The following ITIH5 variants were observed in gnomAD, a reference collection of about 807,000 sequenced individuals.
The protein encoded by ITIH5 is inter-alpha-trypsin inhibitor heavy chain 5, also known as inter-alpha-trypsin inhibitor heavy chain H5.
ITIH5 carries 65 observed loss-of-function variants against 77.5 expected under a neutral mutation model. That is an observed-to-expected ratio of 0.84 (90% confidence interval 0.69 to 1.03). The LOEUF is 1.03. ITIH5 is among the 50% of genes least tolerant of loss of function. ITIH5 has a pLI of 0.00. For synonymous variants in ITIH5, 525 were observed against 494.3 expected, an observed-to-expected ratio of 1.06 and a Z score of -0.82; for missense variants, 1,208 against 1,213.1, an observed-to-expected ratio of 1.00 and a Z score of 0.06.
At chr10:7,640,671 C>T (rs747895815) in intron 4 of ITIH5, 83 bp downstream of exon 4, 39 of 797,394 alleles carry the variant, frequency 4.9e-5, no homozygotes, top group South Asian at 2.9e-4. Flanking sequence ...GAAAGGAAGA[C>T]GACAAGAGGA....
At chr10:7,664,973 C>T (rs12252942) in intron 1 of ITIH5, among the ~76,000 whole-genome samples, 1 of 152,144 alleles carries the variant, frequency 6.6e-6, no homozygotes, top group South Asian at 2.1e-4. Flanking sequence ...AGATTTGAAC[C>T]CAGAATTCTG....
At chr10:7,587,745 G>C (rs1832711105) in intron 7 of ITIH5, among the ~76,000 whole-genome samples, 1 of 152,194 alleles carries the variant, frequency 6.6e-6, no homozygotes, top group South Asian at 2.1e-4. Flanking sequence ...CCCCGGCAGA[G>C]CTTAAGAGAA....
chr10:7,597,707 G>C (rs764328439), intron 7 of ITIH5, among the ~76,000 whole-genome samples: 7 of 152,192 alleles, frequency 4.6e-5, no homozygotes, highest in Non-Finnish European at 1.0e-4. Flanking sequence ...GAGTAGCCAT[G>C]ACTTGCCAAG....
At chr10:7,607,142 G>A (rs1277050872) in intron 7 of ITIH5, among the ~76,000 whole-genome samples, 1 of 152,224 alleles carries the variant, frequency 6.6e-6, no homozygotes, top group African/African-American at 2.4e-5. Flanking sequence ...CAATCAACTG[G>A]CATGTAACTC....
At chr10:7,665,431 A>G (rs1304351122) in intron 1 of ITIH5, among the ~76,000 whole-genome samples, 5 of 152,246 alleles carry the variant, frequency 3.3e-5, no homozygotes, top group Non-Finnish European at 1.5e-5. Flanking sequence ...CTTGGGTGTC[A>G]TAATGCATTC....
chr10:7,633,252 C>T (rs1279131102), intron 5 of ITIH5, among the ~76,000 whole-genome samples: 3 of 152,174 alleles, frequency 2.0e-5, no homozygotes, highest in Non-Finnish European at 4.4e-5. Flanking sequence ...CAACCACGTA[C>T]CTGTGTTAAC....
chr10:7,666,849 A>C lies in ITIH5; in HGVS notation c.44T>G (p.Val15Gly), dbSNP rs763733733. ...LGLCLGLSLC[V>G]GSQEEAQSWG... Reference sequence around the variant, plus strand: ...GCTCTGCGCCTCTTCCTGCGACCCCACACACAGGGACAGCCCCAGGCACAG... The same window carrying C: ...GCTCTGCGCCTCTTCCTGCGACCCCCCACACAGGGACAGCCCCAGGCACAG... Residue 15 changes from valine (V) to glycine (G), a missense_variant, in exon 1 of 14, where the codon GTG becomes GGG. By Grantham distance (109) the Val-to-Gly change is moderately radical (BLOSUM62 -3). Transcript: ENST00000397146. 1.9e-6 allele frequency: 3 copies of C among 1,608,584 alleles called. No homozygotes were observed. The highest frequency in any genetic ancestry group is 2.2e-5 in the South Asian group (2 of 90,542).
intron 2 of ITIH5, among the ~76,000 whole-genome samples, 156 bp downstream of exon 2, chr10:7,655,475 C>A (rs1398561258): frequency 1.3e-5 from 2 of 151,936 alleles, no homozygotes; most frequent in Non-Finnish European, 2.9e-5. Flanking sequence ...TTAAAGAAAG[C>A]CTTATAAAAG....
chr10:7,595,087 G>A (rs1832868238), intron 7 of ITIH5, among the ~76,000 whole-genome samples: 3 of 152,140 alleles, frequency 2.0e-5, no homozygotes, highest in African/African-American at 7.2e-5. Context: ...CAGGCTAGGA[G>A]CAATGGCTGT....
At chr10:7,603,529 G>A (rs887856700) in intron 7 of ITIH5, among the ~76,000 whole-genome samples, 27 of 152,190 alleles carry the variant, frequency 1.8e-4, no homozygotes, top group Non-Finnish European at 4.4e-5. Context: ...TGCTTTAAAA[G>A]GGTGGATGTT....
chr10:7,655,316 A>T (rs1342145856), intron 2 of ITIH5, among the ~76,000 whole-genome samples: 1 of 152,212 alleles, frequency 6.6e-6, no homozygotes, highest in Admixed American at 6.5e-5. Context: ...CTTCACAACA[A>T]AGCTCTCATT....
In ITIH5 at chr10:7,568,552, T is replaced by C. The variant is rs1832232552; in HGVS notation, c.2149+1116A>G. ...CAGTAGAGATTTGGCTCTGAGGCTA[T>C]AAAGTCCCACAAGAAAACATGTGTT... On this transcript the variant is annotated intron_variant, in intron 12 of 13. Transcript: ENST00000397146. Among the ~76,000 whole-genome samples the C allele has an allele frequency of 2.0e-5, 3 of 151,724 alleles. No homozygotes were observed. The South Asian group carries it at 6.2e-4, about 31-fold the overall frequency.
intron 11 of ITIH5, chr10:7,570,368 G>C (rs1832272660): frequency 6.6e-6 from 1 of 152,346 alleles, no homozygotes; most frequent in Non-Finnish European, 1.5e-5. Flanking sequence ...AGGCGGCCAG[G>C]CGCACAGTCA....
At chr10:7,586,340 T>G (rs563985398) in intron 7 of ITIH5, among the ~76,000 whole-genome samples, 1 of 152,132 alleles carries the variant, frequency 6.6e-6, no homozygotes, top group Admixed American at 6.6e-5. Context: ...ACAATTGCTG[T>G]TCTCTTGACC....
intron 2 of ITIH5, among the ~76,000 whole-genome samples, chr10:7,655,428 C>T (rs1361949862): frequency 6.6e-6 from 1 of 151,798 alleles, no homozygotes; most frequent in African/African-American, 2.4e-5. Flanking sequence ...CTGAAATAAT[C>T]AGGTCTCCTT....
At chr10:7,649,759 G>T (rs1467358801) in intron 2 of ITIH5, among the ~76,000 whole-genome samples, 1 of 152,210 alleles carries the variant, frequency 6.6e-6, no homozygotes, top group Non-Finnish European at 1.5e-5. Context: ...AAGAGAGCAT[G>T]CTGTGAGAAG....
rs1040516089 is a variant in ITIH5 at position 7,616,158 on chromosome 10, G to A, written c.823-60C>T. The A allele has an allele frequency of 4.2e-5, 38 of 910,820 alleles. No homozygotes were observed. The African/African-American group carries it at 4.7e-4, about 11-fold the overall frequency. The allele number at this position is 910,820 out of a possible 1,614,324, so 56.4% of individuals were successfully genotyped here. On this transcript the variant is annotated intron_variant, in intron 6 of 13. Transcript: ENST00000397146. Reference sequence around the variant, plus strand: ...CCTAGAGCGGGGAGCAAAAATACCTGAAGTGGGTAGTCTATGGAATTTCTA... The same window carrying A: ...CCTAGAGCGGGGAGCAAAAATACCTAAAGTGGGTAGTCTATGGAATTTCTA...
chr10:7,590,482 C>T (rs1357976560), intron 7 of ITIH5, among the ~76,000 whole-genome samples: 1 of 152,228 alleles, frequency 6.6e-6, no homozygotes, highest in African/African-American at 2.4e-5. Context: ...TCAGAAACAT[C>T]CCCGGCTGTG....
chr10:7,598,410 A>G (rs1330696192), intron 7 of ITIH5, among the ~76,000 whole-genome samples: 1 of 152,342 alleles, frequency 6.6e-6, no homozygotes, highest in African/African-American at 2.4e-5. Flanking sequence ...TATGTCTTCA[A>G]ATATTTTAAA....
Sources: allele counts gnomAD v4.1 joint callset (sites outside exome capture counted in the v4.1 genomes callset), GRCh38; gene constraint gnomAD v4.1.1; transcripts MANE v1.5; gene names NCBI Gene and HGNC (gene_info 2026-07-23, HGNC 2026-07-21).